Variants in CDH13 observed in about 807,000 individuals in gnomAD.
The protein encoded by CDH13 is cadherin-13.
In CDH13, 24 loss-of-function variants were observed where a neutral mutation model predicts 63.8. The ratio of observed to expected loss-of-function variants is 0.38; its 90% CI spans 0.27 to 0.53. CDH13 has a LOEUF of 0.53. Among genes scored for constraint, CDH13 ranks in the 20% least tolerant of loss-of-function variants. The pLI, the probability that CDH13 is intolerant of heterozygous loss-of-function variation, is 0.85. For missense variants in CDH13, 1,049 were observed against 903.1 expected, an observed-to-expected ratio of 1.16 and a Z score of -2.07; for synonymous variants, 503 against 355.3, an observed-to-expected ratio of 1.42 and a Z score of -4.67.
At chr16:82,962,823 A>C (rs1010199657) in intron 2 of CDH13, among the ~76,000 whole-genome samples, 4 of 152,200 alleles carry the variant, frequency 2.6e-5, no homozygotes, top group Non-Finnish European at 5.9e-5. Flanking sequence ...AAGACGTGTG[A>C]AATAGAAACA....
chr16:83,306,164 T>A (rs370931723), intron 5 of CDH13, among the ~76,000 whole-genome samples: 2 of 152,290 alleles, frequency 1.3e-5, no homozygotes, highest in East Asian at 3.9e-4. Flanking sequence ...GAGCTAACGT[T>A]GTCACTGGTT....
chr16:83,192,959 G>A (rs2038766858), intron 4 of CDH13, among the ~76,000 whole-genome samples: 1 of 152,058 alleles, frequency 6.6e-6, no homozygotes, highest in South Asian at 2.1e-4. Context: ...GAGAAAGAGA[G>A]GAACTATGTA....
chr16:83,252,324 G>A (rs1224065109), intron 5 of CDH13, among the ~76,000 whole-genome samples: 3 of 148,008 alleles, frequency 2.0e-5, no homozygotes, highest in Non-Finnish European at 3.0e-5. Flanking sequence ...AAGTTTTAGG[G>A]TACATGTGCA....
chr16:83,374,460 A>C (rs1023516288), intron 6 of CDH13, among the ~76,000 whole-genome samples: 1 of 152,168 alleles, frequency 6.6e-6, no homozygotes. Flanking sequence ...TTATCAGTGT[A>C]TGTGCTGCTC....
intron 1 of CDH13, among the ~76,000 whole-genome samples, chr16:82,651,611 G>A (rs1297824710): frequency 1.3e-5 from 2 of 152,208 alleles, no homozygotes; most frequent in African/African-American, 4.8e-5. Context: ...ACCCTATTAG[G>A]GAGGTGGTGT....
At chr16:83,092,789 A>T (rs868664175) in intron 3 of CDH13, among the ~76,000 whole-genome samples, 1 of 152,192 alleles carries the variant, frequency 6.6e-6, no homozygotes. Context: ...TCACTCACCA[A>T]ATCTAGAATC....
chr16:83,267,452 C>T (rs112999369), intron 5 of CDH13, among the ~76,000 whole-genome samples: 2,155 of 152,176 alleles, frequency 0.014, 49 homozygotes, highest in African/African-American at 0.048. Flanking sequence ...TCTGTGTGTG[C>T]GATGATTTAA....
chr16:83,376,180 G>A (rs192655744), intron 6 of CDH13, among the ~76,000 whole-genome samples: 8 of 152,180 alleles, frequency 5.3e-5, no homozygotes, highest in Non-Finnish European at 7.4e-5. Flanking sequence ...GCTGCCCCTC[G>A]CCCTTCATAA....
intron 9 of CDH13, among the ~76,000 whole-genome samples, chr16:83,672,907 G>A (rs1914638033): frequency 6.6e-6 from 1 of 152,200 alleles, no homozygotes; most frequent in African/African-American, 2.4e-5. Context: ...GACAGCCAGT[G>A]GCTATGTCAT....
chr16:83,041,126 T>A (rs531123553), intron 3 of CDH13, among the ~76,000 whole-genome samples: 6 of 152,190 alleles, frequency 3.9e-5, no homozygotes, highest in Non-Finnish European at 8.8e-5. Context: ...TTACCCTTCT[T>A]AACTGGAAGT....
At chr16:83,211,201 T>G (rs1248183400) in intron 4 of CDH13, among the ~76,000 whole-genome samples, 1 of 150,428 alleles carries the variant, frequency 6.6e-6, no homozygotes, top group Non-Finnish European at 1.5e-5. Flanking sequence ...ATACATAAAA[T>G]CTGGAGTCTA....
chr16:83,227,924 C>A (rs2151799485), intron 5 of CDH13, among the ~76,000 whole-genome samples: 1 of 152,320 alleles, frequency 6.6e-6, no homozygotes, highest in East Asian at 1.9e-4. Flanking sequence ...CAAATCCCTG[C>A]TTCATGGAGC....
At chr16:83,096,162 C>A (rs973505581) in intron 3 of CDH13, among the ~76,000 whole-genome samples, 4 of 152,122 alleles carry the variant, frequency 2.6e-5, no homozygotes, top group African/African-American at 9.7e-5. Context: ...TAGCCTGTAC[C>A]AGCTATCATT....
chr16:82,874,625 C>T (rs535721262), intron 2 of CDH13, among the ~76,000 whole-genome samples: 2 of 152,200 alleles, frequency 1.3e-5, no homozygotes, highest in Admixed American at 1.3e-4. Flanking sequence ...ACATTAAATT[C>T]CATAGAGGAA....
At chr16:83,262,431 T>C (rs1001204941) in intron 5 of CDH13, among the ~76,000 whole-genome samples, 12 of 152,334 alleles carry the variant, frequency 7.9e-5, no homozygotes, top group South Asian at 2.1e-4. Context: ...GACATTTTGT[T>C]TGAAAAGAAG....
intron 5 of CDH13, among the ~76,000 whole-genome samples, chr16:83,236,060 A>T (rs1253315541): frequency 5.3e-5 from 8 of 152,178 alleles, no homozygotes; most frequent in Admixed American, 5.2e-4. Flanking sequence ...TATGATTCCA[A>T]ATGTGCCTAT....
At chr16:82,712,800 A>G (rs778166375) in intron 1 of CDH13, among the ~76,000 whole-genome samples, 1 of 152,080 alleles carries the variant, frequency 6.6e-6, no homozygotes, top group Non-Finnish European at 1.5e-5. Context: ...TTCTGCAGGC[A>G]GTCTTCTTGG....
intron 2 of CDH13, among the ~76,000 whole-genome samples, chr16:82,888,894 G>T (rs1282206717): frequency 6.6e-6 from 1 of 152,190 alleles, no homozygotes; most frequent in East Asian, 1.9e-4. Flanking sequence ...GCAAGCTGGG[G>T]AGGAGGGTGG....
intron 2 of CDH13, among the ~76,000 whole-genome samples, chr16:82,923,424 C>G (rs1431070155): frequency 6.6e-6 from 1 of 152,138 alleles, no homozygotes; most frequent in Non-Finnish European, 1.5e-5. Flanking sequence ...AGGAATAAAG[C>G]CAGACAAGAA....
Sources: allele counts gnomAD v4.1 joint callset (sites outside exome capture counted in the v4.1 genomes callset), GRCh38; gene constraint gnomAD v4.1.1; transcripts MANE v1.5; gene names NCBI Gene and HGNC (gene_info 2026-07-23, HGNC 2026-07-21).